The following CYB561A3 variants were observed in gnomAD, a reference collection of about 807,000 sequenced individuals.
The protein encoded by CYB561A3 is lysosomal membrane ascorbate-dependent ferrireductase CYB561A3.
Under a neutral mutation model 25.3 loss-of-function variants are expected in CYB561A3, and 16 were observed. The ratio of observed to expected loss-of-function variants is 0.63; its 90% CI spans 0.43 to 0.96. CYB561A3 has a LOEUF of 0.96. Among genes scored for constraint, CYB561A3 ranks in the 40% least tolerant of loss-of-function variants. CYB561A3 has a pLI of 0.00. For synonymous variants in CYB561A3, 131 were observed against 129.9 expected (o/e 1.01, Z -0.06); for missense variants, 219 against 307.5 (o/e 0.71, Z 2.15).
chr11:61,359,532 G>A (rs1857768124), intron 1 of CYB561A3: 1 of 151,940 alleles, frequency 6.6e-6, no homozygotes, highest in African/African-American at 2.4e-5. Context: ...TTTGTAAGAG[G>A]AAAAAGTAAA....
rs1857331898 is a variant in CYB561A3, at chr11:61,350,224, C to T, written c.*175G>A. The stretch of plus-strand genomic sequence containing the variant: ...ACCCAGGCAAAGCCACCAAGGAAAG[C>T]AGACAGGCAGCAAGCGGCCGGAGAG... On this transcript the variant is annotated 3_prime_UTR_variant, in exon 7 of 7. Coordinates refer to ENST00000294072, the MANE Select transcript of CYB561A3 (RefSeq NM_153611.6). The T allele has an allele frequency of 1.3e-6, 1 of 780,838 alleles. No homozygotes were observed. The highest frequency in any genetic ancestry group is 1.8e-5 in the African/African-American group (1 of 57,036). The allele number at this position is 780,838 out of a possible 1,614,324, so 48.4% of individuals were successfully genotyped here.
intron 1 of CYB561A3, chr11:61,361,031 T>A (rs1288964212): frequency 6.6e-6 from 1 of 151,634 alleles, no homozygotes; most frequent in Non-Finnish European, 1.5e-5. Context: ...ACTCTTGCAG[T>A]GTTACTTTTA....
At chr11:61,356,413 CCACCCTA>C (rs2135125535) in intron 3 of CYB561A3, 110 bp downstream of exon 3, 152 of 592,126 alleles carry the variant, frequency 2.6e-4, no homozygotes, top group Non-Finnish European at 3.7e-4. Context: ...ACAGCCCAAC[CCACCCTA>C]CCCCCATAGC....
In CYB561A3 at chr11:61,361,876, C is replaced by T. The variant is rs1425688002; in HGVS notation, c.-255G>A. ...CCTACAGCCGGCTGGCAATGCCGCC[C>T]CAGAGCAGAGCGGCGGGTGCCGCCT... On this transcript the variant is annotated 5_prime_UTR_variant, in exon 1 of 7. Coordinates refer to ENST00000294072, the MANE Select transcript of CYB561A3 (RefSeq NM_153611.6). 6.6e-6 allele frequency: 1 copy of T among 152,338 alleles called. No individual in the cohort carries two copies. The highest frequency in any genetic ancestry group is 1.5e-5 in the Non-Finnish European group (1 of 68,118). 9.4% of individuals were successfully genotyped at this position (152,338 alleles called of 1,614,324 possible).
intron 2 of CYB561A3, 93 bp downstream of exon 2, chr11:61,357,640 A>G (rs1857696457): frequency 5.6e-6 from 1 of 178,722 alleles, no homozygotes; most frequent in Admixed American, 5.4e-5. Context: ...CACACCAAGA[A>G]GGCAACAGTG....
intron 1 of CYB561A3, chr11:61,360,988 A>G (rs1171393917): frequency 3.2e-4 from 49 of 151,824 alleles, no homozygotes; most frequent in Middle Eastern, 3.4e-3. Context: ...AGAAAAAAAA[A>G]AAAGAAAGAA....
chr11:61,360,755 A>G (rs1826662961), intron 1 of CYB561A3: 1 of 152,214 alleles, frequency 6.6e-6, no homozygotes, highest in African/African-American at 2.4e-5. Context: ...AGGCGGGCGG[A>G]TCACATGAGG....
Position 61,359,531 on chromosome 11 carries a change from G to A in CYB561A3, c.-111-1703C>T, listed in dbSNP as rs558959540. 2.5e-4 allele frequency: 38 copies of A among 152,032 alleles called. No homozygotes were observed. The East Asian group carries it at 7.1e-3, about 29-fold the overall frequency. 9.4% of individuals were successfully genotyped at this position (152,032 alleles called of 1,614,324 possible). A position where few individuals can be genotyped will look rare whatever the true frequency, so the allele number is the denominator to read the frequency against. ...AACTGTTTTTTTTTTCTTTGTAAGA[G>A]GAAAAAGTAAATGCAGTCCGAAAGG... On this transcript the variant is annotated intron_variant, in intron 1 of 6. Coordinates refer to ENST00000294072, the MANE Select transcript of CYB561A3 (RefSeq NM_153611.6).
intron 3 of CYB561A3, among the ~76,000 whole-genome samples, chr11:61,355,446 G>A (rs1857613129): frequency 6.6e-6 from 1 of 152,014 alleles, no homozygotes; most frequent in Non-Finnish European, 1.5e-5. Flanking sequence ...TTGGGAGGCA[G>A]AGGCGGGTGG....
Position 61,353,026 on chromosome 11 carries a change from T to G in CYB561A3, c.507A>C (p.Ala169=), listed in dbSNP as rs1253488740. The part of the protein sequence containing the change: ...FGAAILSLSI[A]SVISGINEKL... Reference sequence around the variant, plus strand: ...TCTCATTAATGCCCGAAATGACGGATGCGATGGACAGAGAGAGGATGGCGG... The same window carrying G: ...TCTCATTAATGCCCGAAATGACGGAGGCGATGGACAGAGAGAGGATGGCGG... The change falls in exon 5 of 7, where the codon GCA becomes GCC. Residue 169 remains alanine (A), a synonymous_variant. Coordinates refer to ENST00000294072, the MANE Select transcript of CYB561A3 (RefSeq NM_153611.6). 1.2e-6 allele frequency: 2 copies of G among 1,613,986 alleles called. No homozygotes were observed. The highest frequency in any genetic ancestry group is 1.7e-5 in the Admixed American group (1 of 59,996).
intron 5 of CYB561A3, 47 bp from the exon 6 acceptor site, chr11:61,351,194 A>G: frequency 2.6e-6 from 4 of 1,542,064 alleles, no homozygotes; most frequent in Non-Finnish European, 3.5e-6. Flanking sequence ...TTTTCCACCT[A>G]TTTTTGTCTA....
chr11:61,355,860 T>C (rs1390872410), intron 3 of CYB561A3, among the ~76,000 whole-genome samples: 3 of 151,640 alleles, frequency 2.0e-5, no homozygotes, highest in Non-Finnish European at 2.9e-5. Flanking sequence ...GAGGCTGAGG[T>C]GGGCAGATCA....
chr11:61,353,738 GCTCATGGCTCTGGGAAC>G (rs761011566), intron 4 of CYB561A3, 29 bp downstream of exon 4: 10 of 1,601,590 alleles, frequency 6.2e-6, no homozygotes, highest in Non-Finnish European at 8.6e-6. Flanking sequence ...CCCAACCAGA[GCTCATGGCTCTGGGAAC>G]CTCGAGGAGG....
rs1857679594 is a variant in CYB561A3 at position 61,357,101 on chromosome 11, G to A, written c.-15-373C>T. ...CATACCCCCCAGGAAAAAAGGGACA[G>A]GAATCAAAATCCAGGCTAAATTACG... On this transcript the variant is annotated intron_variant, in intron 2 of 6. Coordinates refer to ENST00000294072, the MANE Select transcript of CYB561A3 (RefSeq NM_153611.6). The A allele has an allele frequency of 2.7e-6, 4 of 1,474,478 alleles. No individual in the cohort carries two copies. The Admixed American group carries it at 7.9e-5, about 29-fold the overall frequency. 91.3% of individuals were successfully genotyped at this position (1,474,478 alleles called of 1,614,324 possible).
chr11:61,353,688 C>T (rs1240735300), intron 4 of CYB561A3, 96 bp downstream of exon 4: 1 of 1,287,646 alleles, frequency 7.8e-7, no homozygotes, highest in African/African-American at 1.5e-5. Flanking sequence ...CCTCTCCAAG[C>T]AGTGAGCAGA....
At chr11:61,354,576 G>C (rs1429552956) in intron 3 of CYB561A3, 1 of 154,618 alleles carries the variant, frequency 6.5e-6, no homozygotes, top group African/African-American at 2.4e-5. Context: ...AAGAGTTCAA[G>C]GCTGCAGCAA....
At chr11:61,361,376 A>G (rs1393403945) in intron 1 of CYB561A3, 2 of 152,194 alleles carry the variant, frequency 1.3e-5, no homozygotes, top group Non-Finnish European at 1.5e-5. Flanking sequence ...GTTACCCCTT[A>G]GCACCGGAAT....
In CYB561A3 at chr11:61,349,507, T is replaced by A; in HGVS notation, c.*892A>T. On this transcript the variant is annotated 3_prime_UTR_variant, in exon 7 of 7. Coordinates refer to ENST00000294072, the MANE Select transcript of CYB561A3 (RefSeq NM_153611.6). ...GGAAGTCCACAGCCACCTCTGTTACTCATCGCTACTGGGACATCTGGGGAC... is the reference window on the plus strand; with the variant it reads ...GGAAGTCCACAGCCACCTCTGTTACACATCGCTACTGGGACATCTGGGGAC... The A allele has an allele frequency of 1.4e-6, 1 of 702,002 alleles. No homozygotes were observed. Among genetic ancestry groups the A allele is most frequent in the Non-Finnish European group, 2.6e-6 (1 of 384,278 alleles). 43.5% of individuals were successfully genotyped at this position (702,002 alleles called of 1,614,324 possible). A position where few individuals can be genotyped will look rare whatever the true frequency, so the allele number is the denominator to read the frequency against.
At chr11:61,353,655 T>C (rs942208174) in intron 4 of CYB561A3, 129 bp downstream of exon 4, 4 of 1,055,246 alleles carry the variant, frequency 3.8e-6, no homozygotes, top group Admixed American at 4.0e-5. Flanking sequence ...CTGTCAGTTC[T>C]ACAAGATAAC....
Sources: gnomAD v4.1 joint callset for allele counts (sites outside exome capture counted in the v4.1 genomes callset) on GRCh38, gnomAD v4.1.1 for gene constraint, MANE v1.5 for transcripts, NCBI Gene and HGNC (gene_info 2026-07-23, HGNC 2026-07-21) for gene names.